The following CCSER1 variants were observed in gnomAD, a reference collection of about 807,000 sequenced individuals.
CCSER1 encodes the protein coiled-coil serine rich protein 1, also known as serine-rich coiled-coil domain-containing protein 1.
Under a neutral mutation model 82.0 loss-of-function variants are expected in CCSER1, and 41 were observed. The observed-to-expected ratio is 0.50, with a 90% CI of 0.39 to 0.65. The LOEUF (loss-of-function observed/expected upper bound fraction) is 0.65. Among genes scored for constraint, CCSER1 ranks in the 30% least tolerant of loss-of-function variants. The probability of loss-of-function intolerance (pLI) is 0.00; values close to 1 mark genes in which losing one functional copy is unlikely to be tolerated. For synonymous variants in CCSER1, 414 were observed against 383.9 expected (o/e 1.08, Z -0.92); for missense variants, 1,119 against 1,064.2 (o/e 1.05, Z -0.72).
chr4:91,134,490 A>G (rs532001985), intron 10 of CCSER1, among the ~76,000 whole-genome samples: 2 of 152,280 alleles, frequency 1.3e-5, no homozygotes, highest in South Asian at 2.1e-4. Flanking sequence ...TTGAGCATCA[A>G]GTTAAATACT....
In CCSER1 at chr4:91,398,266, T is replaced by C. The variant is rs551512542; in HGVS notation, c.2218-200306T>C. On this transcript the variant is annotated intron_variant, in intron 10 of 10. Transcript: ENST00000509176. ...AATATTTGAGGGCCATGAGATAATC[T>C]TAAAGCAATTAAGTAACATCATAAT... Among the ~76,000 whole-genome samples the C allele has an allele frequency of 3.9e-5, 6 of 152,004 alleles. No individual in the cohort carries two copies. The South Asian group carries it at 1.2e-3, about 32-fold the overall frequency.
chr4:90,768,524 G>C (rs536644535), intron 7 of CCSER1, among the ~76,000 whole-genome samples: 1 of 152,288 alleles, frequency 6.6e-6, no homozygotes, highest in East Asian at 1.9e-4. Flanking sequence ...TCTAAAATAT[G>C]AAGGTAACTT....
At chr4:91,440,501 C>T (rs1443035941) in intron 10 of CCSER1, among the ~76,000 whole-genome samples, 1 of 152,086 alleles carries the variant, frequency 6.6e-6, no homozygotes, top group East Asian at 1.9e-4. Context: ...GCACTAAATG[C>T]CCACAAGAGA....
intron 3 of CCSER1, among the ~76,000 whole-genome samples, chr4:90,397,783 G>C (rs978135769): frequency 1.3e-5 from 2 of 152,186 alleles, no homozygotes; most frequent in African/African-American, 4.8e-5. Flanking sequence ...ATTGGGTAGG[G>C]TGGTTCCAAT....
chr4:91,598,780 C>CT lies in CCSER1; in HGVS notation c.2428dup (p.Tyr810LeufsTer2). The CT allele has an allele frequency of 6.4e-7, 1 of 1,551,638 alleles. No individual in the cohort carries two copies. Among genetic ancestry groups the CT allele is most frequent in the Non-Finnish European group, 8.7e-7 (1 of 1,146,928 alleles). On this transcript the variant is annotated frameshift_variant, in exon 11 of 11. Coordinates refer to ENST00000509176, the MANE Select transcript of CCSER1 (RefSeq NM_001145065.2). LOFTEE classifies it high-confidence loss of function. ...GAAGTTATCAAACATTCAAGAGGAA[C>CT]TTATGAAACCCTCACTTCAGACGTT...
intron 10 of CCSER1, among the ~76,000 whole-genome samples, chr4:91,593,873 G>A (rs1026134574): frequency 3.9e-5 from 6 of 152,030 alleles, no homozygotes; most frequent in African/African-American, 7.2e-5. Flanking sequence ...TCTTAGTGGT[G>A]TATTAAATAA....
chr4:90,610,752 T>C (rs902370859), intron 5 of CCSER1, among the ~76,000 whole-genome samples: 6 of 152,214 alleles, frequency 3.9e-5, no homozygotes, highest in Admixed American at 3.9e-4. Context: ...GCAAATATTA[T>C]CAAATTTATT....
chr4:91,303,613 C>T (rs963811335), intron 10 of CCSER1, among the ~76,000 whole-genome samples: 1 of 151,608 alleles, frequency 6.6e-6, no homozygotes, highest in Non-Finnish European at 1.5e-5. Context: ...TAGCAAGACC[C>T]CATCTCTACA....
chr4:90,793,547 C>A, intron 7 of CCSER1, among the ~76,000 whole-genome samples: 1 of 144,814 alleles, frequency 6.9e-6, no homozygotes, highest in South Asian at 2.1e-4. Flanking sequence ...TGTTTATATA[C>A]CACATTTTTT....
intron 10 of CCSER1, among the ~76,000 whole-genome samples, chr4:91,500,575 G>C (rs114025556): frequency 0.019 from 2,828 of 151,814 alleles, 78 homozygotes; most frequent in African/African-American, 0.061. Context: ...TGTTTCATGG[G>C]TGCTTGAAAA....
At chr4:91,536,209 AAC>A (rs1425817779) in intron 10 of CCSER1, among the ~76,000 whole-genome samples, 2 of 152,158 alleles carry the variant, frequency 1.3e-5, no homozygotes, top group Non-Finnish European at 2.9e-5. Flanking sequence ...ACTCATGCAT[AAC>A]ACAAAACTTT....
At chr4:90,356,808 A>G (rs1316499477) in intron 3 of CCSER1, among the ~76,000 whole-genome samples, 3 of 151,884 alleles carry the variant, frequency 2.0e-5, no homozygotes, top group African/African-American at 4.8e-5. Flanking sequence ...TTTAGATAGT[A>G]TCTAATCTGC....
At chr4:90,276,251 T>TTTCC (rs1225474182) in intron 1 of CCSER1, among the ~76,000 whole-genome samples, 1,010 of 76,604 alleles carry the variant, frequency 0.013, 48 homozygotes, top group Non-Finnish European at 0.016. Context: ...TCTTTCTTTC[T>TTTCC]TTCCTTCCTT....
intron 5 of CCSER1, among the ~76,000 whole-genome samples, chr4:90,502,417 C>G (rs1380388508): frequency 2.0e-5 from 3 of 152,146 alleles, no homozygotes; most frequent in Non-Finnish European, 4.4e-5. Context: ...CACCTCCCAC[C>G]AGGTCCTTCC....
At chr4:90,349,722 A>G (rs1387596224) in intron 3 of CCSER1, among the ~76,000 whole-genome samples, 1 of 141,688 alleles carries the variant, frequency 7.1e-6, no homozygotes, top group Non-Finnish European at 1.6e-5. Flanking sequence ...GCTTAACTCT[A>G]TTAATTATAA....
chr4:90,157,758 T>G (rs1728549332), intron 1 of CCSER1, among the ~76,000 whole-genome samples: 1 of 152,188 alleles, frequency 6.6e-6, no homozygotes, highest in Non-Finnish European at 1.5e-5. Flanking sequence ...TATTGGTTAT[T>G]CTAGTTATAC....
At chr4:91,210,891 C>CT (rs1736762424) in intron 10 of CCSER1, among the ~76,000 whole-genome samples, 3 of 151,910 alleles carry the variant, frequency 2.0e-5, no homozygotes, top group South Asian at 2.1e-4. Flanking sequence ...AGGATAATGT[C>CT]TTTTTTCTGC....
At chr4:90,396,347 C>T (rs1167356816) in intron 3 of CCSER1, among the ~76,000 whole-genome samples, 1 of 152,114 alleles carries the variant, frequency 6.6e-6, no homozygotes, top group Admixed American at 6.5e-5. Context: ...TGGTGCTAAA[C>T]AGTTTTTTCT....
Position 91,559,537 on chromosome 4 carries a change from AT to A in CCSER1, c.2218-39027del, listed in dbSNP as rs1015445842. On this transcript the variant is annotated intron_variant, in intron 10 of 10. Transcript: ENST00000509176. ...AAGGGGTTTACTAATCCATCTGGCC[AT>A]TTTTTTTGAATCCAGGGGAGTAGGG... Among the ~76,000 whole-genome samples the A allele has an allele frequency of 9.3e-5, 14 of 151,122 alleles. No individual in the cohort carries two copies. In the South Asian group the frequency reaches 2.9e-3, roughly 31 times the overall value.
Sources: gnomAD v4.1 joint callset for allele counts (sites outside exome capture counted in the v4.1 genomes callset) on GRCh38, gnomAD v4.1.1 for gene constraint, MANE v1.5 for transcripts, NCBI Gene and HGNC (gene_info 2026-07-23, HGNC 2026-07-21) for gene names.